Variants in KIF1A observed in about 807,000 individuals in gnomAD.
KIF1A encodes kinesin-like protein KIF1A.
Under a neutral mutation model 227.3 loss-of-function variants are expected in KIF1A, and 46 were observed. The observed-to-expected ratio is 0.20, with a 90% CI of 0.16 to 0.26. The LOEUF (loss-of-function observed/expected upper bound fraction) is 0.26, where lower values mean the gene tolerates loss of function less well. KIF1A is among the 10% of genes least tolerant of loss of function. KIF1A has a pLI of 1.00. For synonymous variants in KIF1A, 1,022 were observed against 1,012.8 expected (o/e 1.01, Z -0.17); for missense variants, 1,683 against 2,485.9 (o/e 0.68, Z 6.87).
At position 240,725,479 on chromosome 2, in the gene KIF1A, G is replaced by T; in HGVS notation, c.4123-75C>A. The T allele has an allele frequency of 6.5e-7, 1 of 1,541,020 alleles. No individual in the cohort carries two copies. Among genetic ancestry groups the T allele is most frequent in the East Asian group, 2.3e-5 (1 of 43,420 alleles). On this transcript the variant is annotated intron_variant, in intron 39 of 48. Coordinates refer to ENST00000498729, the MANE Select transcript of KIF1A (RefSeq NM_001244008.2). The surrounding 1 kb of genome is among the most constrained non-coding windows in gnomAD (Gnocchi z 5.8). The stretch of plus-strand genomic sequence containing the variant: ...AGGTGCCCTTCCAGCCTTCTCCTGG[G>T]GGCACAATGCCCAGCACCGACAGGC...
At chr2:240,764,851 A>G (rs1404437892) in intron 20 of KIF1A, among the ~76,000 whole-genome samples, 1 of 152,138 alleles carries the variant, frequency 6.6e-6, no homozygotes, top group African/African-American at 2.4e-5. Context: ...CCTCTGAGGA[A>G]GAAGAAACCC....
intron 10 of KIF1A, chr2:240,782,211 G>C (rs2054135818): frequency 2.0e-6 from 2 of 985,216 alleles, no homozygotes; most frequent in Non-Finnish European, 2.4e-6. Flanking sequence ...CGGCTGCTCA[G>C]AGTCCAGCAC....
At chr2:240,771,854 G>T (rs886718205) in intron 14 of KIF1A, among the ~76,000 whole-genome samples, 5 of 152,196 alleles carry the variant, frequency 3.3e-5, no homozygotes, top group African/African-American at 1.2e-4. Context: ...CCTAAGGCCC[G>T]GGAGGTGGGG....
In KIF1A at chr2:240,739,388, T is replaced by C. The variant is rs1379756859; in HGVS notation, c.3901+670A>G. Among the ~76,000 whole-genome samples, 1 of 152,146 alleles carries C rather than the reference T, an allele frequency of 6.6e-6. No individual in the cohort carries two copies. The highest frequency in any genetic ancestry group is 1.5e-5 in the Non-Finnish European group (1 of 68,024). ...ATGGAAGAAAAGAGTGTAAGATCCT[T>C]GGTGATGGTTATGGGAGGAATTGTG... On this transcript the variant is annotated intron_variant, in intron 37 of 48. Transcript: ENST00000498729. This position sits in a 1 kb window ranked among gnomAD's most constrained non-coding sequence, Gnocchi z 5.6.
Position 240,767,034 on chromosome 2 carries a change from G to A in KIF1A, c.1578-13C>T. The stretch of plus-strand genomic sequence containing the variant: ...CTCCCTGCCCACTCTGCGGGGTGGG[G>A]GCACCATCAGCACGGCAGCTGGGAC... On this transcript the variant is annotated splice_polypyrimidine_tract_variant and intron_variant, in intron 18 of 48. Transcript: ENST00000498729. The A allele has an allele frequency of 6.3e-7, 1 of 1,585,822 alleles. No homozygotes were observed. The highest frequency in any genetic ancestry group is 8.6e-7 in the Non-Finnish European group (1 of 1,160,246).
chr2:240,748,739 C>A, intron 28 of KIF1A: 2 of 260,436 alleles, frequency 7.7e-6, no homozygotes, highest in Non-Finnish European at 8.4e-6. Flanking sequence ...ATTCTCAGCA[C>A]TGTGGTATCA....
chr2:240,781,668 G>T, intron 10 of KIF1A: 1 of 738,662 alleles, frequency 1.4e-6, no homozygotes, highest in South Asian at 6.1e-5. Flanking sequence ...AATTCCCCAC[G>T]CAGGTCCTCC....
Position 240,757,192 on chromosome 2 carries a change from C to A in KIF1A, c.2858+127G>T. ...GGGTGCTCTCCTCAGGAGGCCAGCC[C>A]CTCCACCTGCCTCGCCTGCCCTGGG... On this transcript the variant is annotated intron_variant, in intron 27 of 48. Coordinates refer to ENST00000498729, the MANE Select transcript of KIF1A (RefSeq NM_001244008.2). This position sits in a 1 kb window ranked among gnomAD's most constrained non-coding sequence, Gnocchi z 6.2. 1.0e-6 allele frequency: 1 copy of A among 956,514 alleles called. No homozygotes were observed. The highest frequency in any genetic ancestry group is 1.6e-6 in the Non-Finnish European group (1 of 638,270). 59.3% of individuals were successfully genotyped at this position (956,514 alleles called of 1,614,324 possible).
rs3772053 is a variant in KIF1A, at chr2:240,733,734, C to T, written c.4007+3329G>A. ...CCTGGGGCTCTGTGCCAGGAGCGGC[C>T]TCACACCTCACAACTACAGGGCTTA... On this transcript the variant is annotated intron_variant, in intron 38 of 48. Coordinates refer to ENST00000498729, the MANE Select transcript of KIF1A (RefSeq NM_001244008.2). Among the ~76,000 whole-genome samples the T allele has an allele frequency of 1.6e-3, 244 of 152,338 alleles. 4 individuals carry two copies. The East Asian group carries it at 0.042, about 26-fold the overall frequency.
At position 240,792,263 on chromosome 2, in the gene KIF1A, T is replaced by G. The variant is rs534978208; in HGVS notation, c.107-2951A>C. ...TCCCCGATTCTGCTGGAGAAAGGGC[T>G]TTTTTTGCCAGGGTCTGGAATTTTT... On this transcript the variant is annotated intron_variant, in intron 2 of 48. Coordinates refer to ENST00000498729, the MANE Select transcript of KIF1A (RefSeq NM_001244008.2). The surrounding 1 kb of genome is among the most constrained non-coding windows in gnomAD (Gnocchi z 4.5). Among the ~76,000 whole-genome samples the G allele has an allele frequency of 1.3e-5, 2 of 152,168 alleles. No individual in the cohort carries two copies. The highest frequency in any genetic ancestry group is 4.8e-5 in the African/African-American group (2 of 41,504).
intron 37 of KIF1A, 100 bp from the exon 38 acceptor site, chr2:240,737,268 A>C: frequency 1.1e-6 from 1 of 875,968 alleles, no homozygotes; most frequent in Admixed American, 1.7e-5. Flanking sequence ...CCAGCTCCCC[A>C]CATGGTCACT....
At chr2:240,820,860 G>C (rs577134958), upstream of KIF1A, among the ~76,000 whole-genome samples, 1 of 151,956 alleles carries the variant, frequency 6.6e-6, no homozygotes, top group Non-Finnish European at 1.5e-5. The surrounding 1 kb of genome is among the most constrained non-coding windows in gnomAD (Gnocchi z 6.2). Context: ...ACCGCGGCTC[G>C]TGGGGACCCC....
chr2:240,790,820 A>T lies in KIF1A; in HGVS notation c.107-1508T>A, dbSNP rs538808957. On this transcript the variant is annotated intron_variant, in intron 2 of 48. Coordinates refer to ENST00000498729, the MANE Select transcript of KIF1A (RefSeq NM_001244008.2). This position sits in a 1 kb window ranked among gnomAD's most constrained non-coding sequence, Gnocchi z 5.0. The stretch of plus-strand genomic sequence containing the variant: ...GCCCCAGAAGCTGGAGGGCCTGGAC[A>T]GGTGCCCCTCATGGCTCAGGAGCAG... Among the ~76,000 whole-genome samples the T allele has an allele frequency of 6.6e-6, 1 of 152,272 alleles. No individual in the cohort carries two copies. The highest frequency in any genetic ancestry group is 1.5e-5 in the Non-Finnish European group (1 of 68,016).
chr2:240,774,836 C>T (rs2125981239), intron 11 of KIF1A, among the ~76,000 whole-genome samples: 1 of 152,264 alleles, frequency 6.6e-6, no homozygotes, highest in South Asian at 2.1e-4. Context: ...GGACTGCTGC[C>T]TGGCGGTGCT....
chr2:240,751,951 A>G (rs2049270148), intron 27 of KIF1A, among the ~76,000 whole-genome samples: 1 of 152,012 alleles, frequency 6.6e-6, no homozygotes, highest in Non-Finnish European at 1.5e-5. Context: ...CTGACTTTAC[A>G]CATCCTCATG....
chr2:240,743,579 C>G (rs1194688092), intron 33 of KIF1A, among the ~76,000 whole-genome samples: 1 of 152,148 alleles, frequency 6.6e-6, no homozygotes, highest in Admixed American at 6.5e-5. Context: ...CGGGCTTCCC[C>G]AGGGTGTGGC....
chr2:240,782,707 T>C (rs2054230661), intron 9 of KIF1A, 100 bp from the exon 10 acceptor site: 1 of 1,250,476 alleles, frequency 8.0e-7, no homozygotes, highest in Non-Finnish European at 1.1e-6. Flanking sequence ...GCCCTGGCCA[T>C]GACTCAGGCT....
intron 24 of KIF1A, 149 bp downstream of exon 24, chr2:240,761,080 C>A: frequency 9.5e-7 from 1 of 1,051,480 alleles, no homozygotes; most frequent in Non-Finnish European, 1.4e-6. Flanking sequence ...CACTGCCCAC[C>A]CTTCTGGGGG....
Position 240,745,502 on chromosome 2 carries a change from G to A in KIF1A, c.3390C>T (p.His1130=), listed in dbSNP as rs369038475. Residue 1130 remains histidine (H), a synonymous_variant, in exon 32 of 49, where the codon CAC becomes CAT. Coordinates refer to ENST00000498729, the MANE Select transcript of KIF1A (RefSeq NM_001244008.2). ...IFCQFNFIHR[H]DEAFSTEPLK... is the part of the protein sequence containing the mutation. ...GGGGCTCTGTGGAGAAGGCCTCGTC[G>A]TGGCGGTGGATGAAGCTGCAAAGCA... 73 of 1,611,676 alleles carry A rather than the reference G, an allele frequency of 4.5e-5. No individual in the cohort carries two copies. The highest frequency in any genetic ancestry group is 5.6e-5 in the Non-Finnish European group (66 of 1,178,436).
Sources: gnomAD v4.1 joint callset for allele counts (sites outside exome capture counted in the v4.1 genomes callset) on GRCh38, gnomAD v4.1.1 for gene constraint, Gnocchi (gnomAD v3.1) non-coding constraint, MANE v1.5 for transcripts, NCBI Gene and HGNC (gene_info 2026-07-23, HGNC 2026-07-21) for gene names.